IQSEC1: variants seen among roughly 807,000 people sequenced by gnomAD.
The protein encoded by IQSEC1 is IQ motif and SEC7 domain-containing protein 1.
Under a neutral mutation model 91.0 loss-of-function variants are expected in IQSEC1, and 31 were observed. That is an observed-to-expected ratio of 0.34 (90% confidence interval 0.26 to 0.46). The LOEUF (loss-of-function observed/expected upper bound fraction) is 0.46, where lower values mean the gene tolerates loss of function less well. Ranked by LOEUF, IQSEC1 falls within the 20% of genes least tolerant of loss-of-function variation. The pLI, the probability that IQSEC1 is intolerant of heterozygous loss-of-function variation, is 1.00. For missense variants in IQSEC1, 1,388 were observed against 1,575.6 expected (o/e 0.88, Z 2.02); for synonymous variants, 699 against 662.6 (o/e 1.05, Z -0.84).
At chr3:13,100,784 G>A (rs1312970426) in intron 2 of IQSEC1, among the ~76,000 whole-genome samples, 2 of 148,964 alleles carry the variant, frequency 1.3e-5, no homozygotes, top group Non-Finnish European at 3.0e-5. Context: ...TGGGGATTGA[G>A]CAGTAAGTAG....
chr3:13,191,477 ATTTTTTTTTTTTTT>A (rs57912681), intron 1 of IQSEC1, among the ~76,000 whole-genome samples: 34 of 92,104 alleles, frequency 3.7e-4, no homozygotes, highest in East Asian at 7.8e-4. Flanking sequence ...CACCCAGCTA[ATTTTTTTTTTTTTT>A]TTTTTTTTTT....
intron 1 of IQSEC1, among the ~76,000 whole-genome samples, chr3:12,997,604 C>T (rs1015883428): frequency 6.6e-6 from 1 of 152,198 alleles, no homozygotes; most frequent in Non-Finnish European, 1.5e-5. Flanking sequence ...CAGCCTACTA[C>T]ACACCTAGGC....
intron 2 of IQSEC1, among the ~76,000 whole-genome samples, chr3:13,092,882 G>C (rs1485489693): frequency 1.3e-5 from 2 of 152,128 alleles, no homozygotes; most frequent in African/African-American, 4.8e-5. Context: ...TTCGAGTCCC[G>C]GGGCCTTTGC....
At chr3:13,065,323 C>A (rs558891619) in intron 1 of IQSEC1, among the ~76,000 whole-genome samples, 1 of 152,378 alleles carries the variant, frequency 6.6e-6, no homozygotes, top group Admixed American at 6.5e-5. Flanking sequence ...CCCAAAGGAA[C>A]TGGACACAGC....
intron 1 of IQSEC1, among the ~76,000 whole-genome samples, chr3:13,029,697 C>T (rs1199999541): frequency 6.6e-6 from 1 of 152,240 alleles, no homozygotes; most frequent in Non-Finnish European, 1.5e-5. Flanking sequence ...TGTGTGTGCG[C>T]ACATGCGGTG....
At chr3:12,988,099 C>T (rs910595667) in intron 1 of IQSEC1, among the ~76,000 whole-genome samples, 2 of 152,188 alleles carry the variant, frequency 1.3e-5, no homozygotes, top group Non-Finnish European at 2.9e-5. Context: ...TGTGGCCTGT[C>T]GATACAATGA....
intron 4 of IQSEC1, among the ~76,000 whole-genome samples, chr3:12,923,319 T>TG (rs1380366985): frequency 6.6e-6 from 1 of 151,686 alleles, no homozygotes; most frequent in Non-Finnish European, 1.5e-5. Flanking sequence ...CTGCAGGGGA[T>TG]GGGGGTGGGA....
rs192658591 is a variant in IQSEC1 at position 13,238,532 on chromosome 3, T to C, written c.272+44179A>G. 1.5e-3 allele frequency among the ~76,000 whole-genome samples: 224 copies of C among 152,320 alleles called. 1 individual carries two copies. The highest frequency in any genetic ancestry group is 5.1e-3 in the African/African-American group (211 of 41,570). On this transcript the variant is annotated intron_variant, in intron 1 of 15. Coordinates refer to the IQSEC1 transcript ENST00000648114. ...CACTTGTCACTCTCATGTCAGGTTT[T>C]GTCATCCATCCTTCCCAGTAGGAGC...
At position 12,979,482 on chromosome 3, in the gene IQSEC1, C is replaced by T. The variant is rs921305409; in HGVS notation, c.24-37617G>A. ...TGCTGGATTTGGGTTACAAAAAAGGCGGACACATGCACGCAGCACGCGCAC... is the reference window on the plus strand; with the variant it reads ...TGCTGGATTTGGGTTACAAAAAAGGTGGACACATGCACGCAGCACGCGCAC... On this transcript the variant is annotated intron_variant, in intron 1 of 13. Coordinates refer to ENST00000613206, the MANE Select transcript of IQSEC1 (RefSeq NM_001134382.3). This position sits in a 1 kb window ranked among gnomAD's most constrained non-coding sequence, Gnocchi z 4.3. Among the ~76,000 whole-genome samples the T allele has an allele frequency of 2.6e-5, 4 of 152,148 alleles. No individual in the cohort carries two copies. Among genetic ancestry groups the T allele is most frequent in the East Asian group, 3.8e-4 (2 of 5,202 alleles).
intron 1 of IQSEC1, among the ~76,000 whole-genome samples, chr3:13,178,393 G>A (rs184654052): frequency 1.3e-5 from 2 of 152,338 alleles, no homozygotes; most frequent in African/African-American, 2.4e-5. Flanking sequence ...GAGTGAGGAT[G>A]GGGCTCTCAG....
chr3:12,907,973 AG>A (rs1695159547), intron 12 of IQSEC1, among the ~76,000 whole-genome samples: 1 of 152,174 alleles, frequency 6.6e-6, no homozygotes, highest in South Asian at 2.1e-4. Flanking sequence ...TTCATTCATC[AG>A]CATGAAGCAC....
chr3:13,240,637 C>T (rs945735634), intron 1 of IQSEC1, among the ~76,000 whole-genome samples: 1 of 152,260 alleles, frequency 6.6e-6, no homozygotes, highest in South Asian at 2.1e-4. Context: ...CCTCACAATC[C>T]CCCTCCCACA....
At chr3:13,185,627 CA>C (rs1693918140) in intron 1 of IQSEC1, among the ~76,000 whole-genome samples, 1 of 152,184 alleles carries the variant, frequency 6.6e-6, no homozygotes, top group Admixed American at 6.5e-5. Flanking sequence ...GAGACAAACC[CA>C]AAGATAAAGG....
At chr3:13,212,203 T>G (rs1238413463) in intron 1 of IQSEC1, among the ~76,000 whole-genome samples, 1 of 152,248 alleles carries the variant, frequency 6.6e-6, no homozygotes, top group Non-Finnish European at 1.5e-5. Flanking sequence ...CCCCAGCCCC[T>G]GCAACCACTC....
chr3:13,101,123 C>T (rs748058198), intron 2 of IQSEC1, among the ~76,000 whole-genome samples: 3 of 152,106 alleles, frequency 2.0e-5, no homozygotes, highest in Non-Finnish European at 2.9e-5. Flanking sequence ...TTCTGCTAAG[C>T]GCAGCGAGGA....
intron 1 of IQSEC1, among the ~76,000 whole-genome samples, chr3:12,962,017 G>C (rs995320524): frequency 6.6e-5 from 10 of 152,216 alleles, no homozygotes; most frequent in African/African-American, 2.4e-4. Flanking sequence ...TGACTACAAG[G>C]ATCAAGAGGC....
rs995909021 is a variant in IQSEC1 at position 13,089,937 on chromosome 3, C to T, written c.303-42415G>A. Among the ~76,000 whole-genome samples the T allele has an allele frequency of 3.9e-5, 6 of 152,250 alleles. 1 individual carries two copies. Among genetic ancestry groups the T allele is most frequent in the Admixed American group, 6.5e-5 (1 of 15,296 alleles). On this transcript the variant is annotated intron_variant, in intron 2 of 15. Transcript: ENST00000648114. ...TTTAAAAACACTGTATATTTTAGGCCGGGCACGGTGGCTCACGCCTGTAAT... is the reference window on the plus strand; with the variant it reads ...TTTAAAAACACTGTATATTTTAGGCTGGGCACGGTGGCTCACGCCTGTAAT...
intron 2 of IQSEC1, among the ~76,000 whole-genome samples, chr3:13,114,543 A>G (rs1706304217): frequency 6.6e-6 from 1 of 152,142 alleles, no homozygotes; most frequent in Admixed American, 6.5e-5. Flanking sequence ...TGTAATCCCA[A>G]CAATTTGGGA....
intron 1 of IQSEC1, among the ~76,000 whole-genome samples, chr3:13,226,131 G>C (rs538179129): frequency 3.0e-4 from 46 of 152,182 alleles, no homozygotes; most frequent in African/African-American, 1.1e-3. Context: ...CACCCGCCTC[G>C]GCCTCCCAAA....
Sources: allele counts gnomAD v4.1 joint callset (sites outside exome capture counted in the v4.1 genomes callset), GRCh38; gene constraint gnomAD v4.1.1; non-coding constraint Gnocchi (gnomAD v3.1); transcripts MANE v1.5; gene names NCBI Gene and HGNC (gene_info 2026-07-23, HGNC 2026-07-21).